Variants in ADAMTSL5 observed in about 807,000 individuals in gnomAD.
ADAMTSL5 encodes ADAMTS-like protein 5.
In ADAMTSL5, 53 loss-of-function variants were observed where a neutral mutation model predicts 51.7. That is an observed-to-expected ratio of 1.03 (90% CI 0.82 to 1.29). The LOEUF (loss-of-function observed/expected upper bound fraction) is 1.29. Among genes scored for constraint, ADAMTSL5 ranks in the 50% most tolerant of loss-of-function variants. The pLI, the probability that ADAMTSL5 is intolerant of heterozygous loss-of-function variation, is 0.00. For synonymous variants in ADAMTSL5, 285 were observed against 278.7 expected, an observed-to-expected ratio of 1.02 and a Z score of -0.23; for missense variants, 770 against 676.2, an observed-to-expected ratio of 1.14 and a Z score of -1.54.
Position 1,508,011 on chromosome 19 carries a change from C to T in ADAMTSL5, c.588G>A (p.Val196=). 2 of 1,600,744 alleles carry T rather than the reference C, an allele frequency of 1.2e-6. No homozygotes were observed. The highest frequency in any genetic ancestry group is 1.7e-6 in the Non-Finnish European group (2 of 1,174,434). Residue 196 remains valine (V), a synonymous_variant, in exon 7 of 12, where the codon GTG becomes GTA. Coordinates refer to ENST00000330475, the MANE Select transcript of ADAMTSL5 (RefSeq NM_213604.3). Reference sequence around the variant, plus strand: ...GCAGGTAGTCACCGGCGTCACGAAACACGCGCTGCACGAAAAGGCACGAGT... The same window carrying T: ...GCAGGTAGTCACCGGCGTCACGAAATACGCGCTGCACGAAAAGGCACGAGT... ...ANDSCLFVQR[V]FRDAGAFAGY... is the part of the protein sequence containing the mutation.
intron 4 of ADAMTSL5, 36 bp downstream of exon 4, chr19:1,510,332 G>C (rs1322968251): frequency 7.4e-6 from 12 of 1,613,570 alleles, no homozygotes; most frequent in African/African-American, 1.3e-5. Flanking sequence ...GGCAGTCTGG[G>C]GTGGGAGAGT....
At position 1,506,756 on chromosome 19, in the gene ADAMTSL5, G is replaced by A. The variant is rs1167750776; in HGVS notation, c.1025C>T (p.Thr342Ile). The A allele has an allele frequency of 6.4e-7, 1 of 1,556,384 alleles. No homozygotes were observed. Among genetic ancestry groups the A allele is most frequent in the Non-Finnish European group, 8.7e-7 (1 of 1,150,042 alleles). The change falls in exon 10 of 12, where the codon ACC (threonine) becomes ATC (isoleucine). Residue 342 changes from threonine (T) to isoleucine (I), a missense_variant. By Grantham distance (89) the Thr-to-Ile change is moderately conservative. Transcript: ENST00000330475. This position sits in a 1 kb window ranked among gnomAD's most constrained non-coding sequence, Gnocchi z 5.6. ...CACCTCACCTGGGGCCAGCGTTGGG[G>A]TCTGTGCAGGGGTGACAGCAGGGGC... ...PAAPAVTPAQ[T>I]PTLAPDPCPP... is the part of the protein sequence containing the mutation.
In ADAMTSL5 at chr19:1,506,497, G is replaced by A. The variant is rs1912930656; in HGVS notation, c.1114+93C>T. The stretch of plus-strand genomic sequence containing the variant: ...GTCAAGAGGCAAATTAGGATCAGAA[G>A]AAGGGGTCAAGGGTAAAGTCAGATT... On this transcript the variant is annotated intron_variant, in intron 11 of 11. Transcript: ENST00000330475. This position sits in a 1 kb window ranked among gnomAD's most constrained non-coding sequence, Gnocchi z 5.6. 6.7e-7 allele frequency: 1 copy of A among 1,498,870 alleles called. No individual in the cohort carries two copies. Among genetic ancestry groups the A allele is most frequent in the South Asian group, 1.2e-5 (1 of 84,020 alleles). 92.8% of individuals were successfully genotyped at this position (1,498,870 alleles called of 1,614,324 possible). A position where few individuals can be genotyped will look rare whatever the true frequency, so the allele number is the denominator to read the frequency against.
At position 1,510,836 on chromosome 19, in the gene ADAMTSL5, C is replaced by A; in HGVS notation, c.99+9G>T. The A allele has an allele frequency of 6.5e-7, 1 of 1,541,652 alleles. No individual in the cohort carries two copies. The highest frequency in any genetic ancestry group is 8.7e-7 in the Non-Finnish European group (1 of 1,150,458). On this transcript the variant is annotated intron_variant, in intron 2 of 11. Coordinates refer to ENST00000330475, the MANE Select transcript of ADAMTSL5 (RefSeq NM_213604.3). ...ACTCGCCACCCCCTGGGCTCATGCCCCCCCTTACCTGAGCACTGACCCCCA... is the reference window on the plus strand; with the variant it reads ...ACTCGCCACCCCCTGGGCTCATGCCACCCCTTACCTGAGCACTGACCCCCA...
rs1481174579 is a variant in ADAMTSL5 at position 1,506,272 on chromosome 19, T to C, written c.1159A>G (p.Thr387Ala). 1 of 1,558,640 alleles carries C rather than the reference T, an allele frequency of 6.4e-7. No individual in the cohort carries two copies. Among genetic ancestry groups the C allele is most frequent in the South Asian group, 1.2e-5 (1 of 82,406 alleles). The change falls in exon 12 of 12, where the codon ACC (threonine) becomes GCC (alanine). Residue 387 changes from threonine (T) to alanine (A), a missense_variant. Thr to Ala is a moderately conservative substitution (Grantham distance 58, BLOSUM62 0). Transcript: ENST00000330475. This position sits in a 1 kb window ranked among gnomAD's most constrained non-coding sequence, Gnocchi z 5.6. Reference sequence around the variant, plus strand: ...AGCTGGATGCGCACCTCATAGCGGGTCTCCTGGGCCTGGTGGTGGTGGCCC... The same window carrying C: ...AGCTGGATGCGCACCTCATAGCGGGCCTCCTGGGCCTGGTGGTGGTGGCCC... ...VLGHHHQAQE[T>A]RYEVRIQLVY...
Position 1,505,674 on chromosome 19 carries a change from G to A in ADAMTSL5, c.*341C>T. The A allele has an allele frequency of 4.2e-6, 1 of 239,118 alleles. No individual in the cohort carries two copies. Among genetic ancestry groups the A allele is most frequent in the Non-Finnish European group, 8.2e-6 (1 of 122,238 alleles). The allele number at this position is 239,118 out of a possible 1,614,324, so 14.8% of individuals were successfully genotyped here. On this transcript the variant is annotated 3_prime_UTR_variant, in exon 12 of 12. Transcript: ENST00000330475. ...GCAGCAGGGTGTCATGCTCGTTCAT[G>A]ACAGTGTCTCCAAGCAAGTGTGACG...
intron 5 of ADAMTSL5, 100 bp from the exon 6 acceptor site, chr19:1,508,670 C>T: frequency 7.1e-7 from 1 of 1,408,918 alleles, no homozygotes. Flanking sequence ...GCAGATGAAG[C>T]CCAGAGATTT....
intron 2 of ADAMTSL5, 47 bp downstream of exon 2, chr19:1,510,798 G>A: frequency 1.3e-6 from 2 of 1,515,898 alleles, no homozygotes; most frequent in African/African-American, 1.4e-5. Context: ...CTGCTGACTG[G>A]GTCCCCATTC....
chr19:1,511,791 T>G (rs1913275861), intron 1 of ADAMTSL5: 4 of 341,212 alleles, frequency 1.2e-5, no homozygotes, highest in South Asian at 8.8e-5. Flanking sequence ...GGCCCTCAGC[T>G]GCACCCCGGC....
intron 1 of ADAMTSL5, among the ~76,000 whole-genome samples, chr19:1,511,392 C>G (rs1351020486): frequency 6.6e-6 from 1 of 152,170 alleles, no homozygotes; most frequent in East Asian, 1.9e-4. Flanking sequence ...AGGTTGGTCT[C>G]AACCTTCTGA....
rs1175966769 is a variant in ADAMTSL5 at position 1,505,926 on chromosome 19, G to A, written c.*89C>T. 2.1e-6 allele frequency: 3 copies of A among 1,418,410 alleles called. No homozygotes were observed. Among genetic ancestry groups the A allele is most frequent in the Admixed American group, 2.8e-5 (1 of 35,622 alleles). 87.9% of individuals were successfully genotyped at this position (1,418,410 alleles called of 1,614,324 possible). A position where few individuals can be genotyped will look rare whatever the true frequency, so the allele number is the denominator to read the frequency against. On this transcript the variant is annotated 3_prime_UTR_variant, in exon 12 of 12. Coordinates refer to ENST00000330475, the MANE Select transcript of ADAMTSL5 (RefSeq NM_213604.3). The stretch of plus-strand genomic sequence containing the variant: ...GTGGGACGTATTTCAGAGCTGCCTG[G>A]AAGCCAGGGTGAGAGGGGAAATACG...
intron 9 of ADAMTSL5, 100 bp from the exon 10 acceptor site, chr19:1,507,028 C>T (rs1328254040): frequency 2.2e-6 from 3 of 1,350,194 alleles, no homozygotes; most frequent in East Asian, 2.5e-5. Flanking sequence ...ATCCTGTCTG[C>T]CCCCAGCCTC....
intron 6 of ADAMTSL5, 33 bp from the exon 7 acceptor site, chr19:1,508,142 A>G (rs768478151): frequency 3.8e-6 from 6 of 1,579,840 alleles, no homozygotes; most frequent in South Asian, 3.4e-5. Context: ...GGCGTCACTG[A>G]CGCTGGGAGG....
Position 1,507,276 on chromosome 19 carries a change from G to C in ADAMTSL5, c.818C>G (p.Ala273Gly). ...RDTGPQETLQ[A>G]AGPTSHDLLL... is the part of the protein sequence containing the mutation. ...CAGGTCATGGGAGGTGGGCCCGGCTGCTTGCAATGTCTCCTGGGGCCCTGT... is the reference window on the plus strand; with the variant it reads ...CAGGTCATGGGAGGTGGGCCCGGCTCCTTGCAATGTCTCCTGGGGCCCTGT... Residue 273 changes from alanine (A) to glycine (G), a missense_variant, in exon 9 of 12, where the codon GCA (alanine) becomes GGA (glycine). Transcript: ENST00000330475. The C allele has an allele frequency of 6.4e-7, 1 of 1,562,440 alleles. No individual in the cohort carries two copies. The highest frequency in any genetic ancestry group is 8.7e-7 in the Non-Finnish European group (1 of 1,154,814).
intron 9 of ADAMTSL5, 120 bp downstream of exon 9, chr19:1,507,122 C>T: frequency 2.2e-6 from 3 of 1,370,694 alleles, no homozygotes; most frequent in South Asian, 2.9e-5. Context: ...CCAGCCTCTC[C>T]CCTCTGACCC....
chr19:1,505,827 G>T lies in ADAMTSL5; in HGVS notation c.*188C>A. 1 of 685,328 alleles carries T rather than the reference G, an allele frequency of 1.5e-6. No homozygotes were observed. The highest frequency in any genetic ancestry group is 2.2e-6 in the Non-Finnish European group (1 of 448,234). 42.5% of individuals were successfully genotyped at this position (685,328 alleles called of 1,614,324 possible). ...AGTGCCTCCTCACCAGTGCCTGCCG[G>T]CTTGTGACAGTGGCTTTGACTGCAT... is the stretch of plus-strand genomic sequence containing the variant. On this transcript the variant is annotated 3_prime_UTR_variant, in exon 12 of 12. Coordinates refer to ENST00000330475, the MANE Select transcript of ADAMTSL5 (RefSeq NM_213604.3).
At chr19:1,507,756 C>A (rs1913025361) in intron 7 of ADAMTSL5, 113 bp from the exon 8 acceptor site, 2 of 1,152,224 alleles carry the variant, frequency 1.7e-6, no homozygotes, top group South Asian at 2.6e-5. Context: ...TCCTGGGAAC[C>A]GGAAAACCCT....
rs188940038 is a variant in ADAMTSL5, at chr19:1,505,776, G to T, written c.*239C>A. 1.4e-3 allele frequency: 636 copies of T among 466,138 alleles called. 1 individual carries two copies. The highest frequency in any genetic ancestry group is 2.4e-3 in the South Asian group (51 of 21,206). 28.9% of individuals were successfully genotyped at this position (466,138 alleles called of 1,614,324 possible). A position where few individuals can be genotyped will look rare whatever the true frequency, so the allele number is the denominator to read the frequency against. ...GAGCTTCCTGGCAGCCAAGGAGAGA[G>T]GCGAAATAAAAGTCAGAGTCTCCTT... On this transcript the variant is annotated 3_prime_UTR_variant, in exon 12 of 12. Coordinates refer to ENST00000330475, the MANE Select transcript of ADAMTSL5 (RefSeq NM_213604.3).
At position 1,507,243 on chromosome 19, in the gene ADAMTSL5, T is replaced by G; in HGVS notation, c.851A>C (p.Gln284Pro). 1 of 1,531,250 alleles carries G rather than the reference T, an allele frequency of 6.5e-7. No homozygotes were observed. Among genetic ancestry groups the G allele is most frequent in the East Asian group, 2.3e-5 (1 of 44,150 alleles). The allele number at this position is 1,531,250 out of a possible 1,614,324, so 94.9% of individuals were successfully genotyped here. ...AGPTSHDLLLQVLLQEPNPGI... is the reference protein window; with the variant it reads ...AGPTSHDLLLPVLLQEPNPGI... ...ACCCTGTTGGAGGCCCAGTGGCACC[T>G]GTAGGAGCAGGTCATGGGAGGTGGG... Residue 284 changes from glutamine (Q) to proline (P), a missense_variant and splice_region_variant, in exon 9 of 12, where the codon CAG becomes CCG. Coordinates refer to ENST00000330475, the MANE Select transcript of ADAMTSL5 (RefSeq NM_213604.3).
Sources: gnomAD v4.1 joint callset for allele counts (sites outside exome capture counted in the v4.1 genomes callset) on GRCh38, gnomAD v4.1.1 for gene constraint, Gnocchi (gnomAD v3.1) non-coding constraint, MANE v1.5 for transcripts, NCBI Gene and HGNC (gene_info 2026-07-23, HGNC 2026-07-21) for gene names.